The following DMXL2 variants were observed in gnomAD, a reference collection of about 807,000 sequenced individuals.
DMXL2 encodes dmX-like protein 2.
A neutral mutation model predicts 331.1 loss-of-function variants in DMXL2; 103 were observed. The ratio of observed to expected loss-of-function variants is 0.31; its 90% CI spans 0.27 to 0.37. The LOEUF is 0.37. Among genes scored for constraint, DMXL2 ranks in the 10% least tolerant of loss-of-function variants. The pLI is 1.00. For synonymous variants in DMXL2, 1,281 were observed against 1,252.1 expected, an observed-to-expected ratio of 1.02 and a Z score of -0.49; for missense variants, 3,171 against 3,642.9, an observed-to-expected ratio of 0.87 and a Z score of 3.33.
At chr15:51,582,648 T>C (rs1359490930) in intron 1 of DMXL2, among the ~76,000 whole-genome samples, 2 of 151,684 alleles carry the variant, frequency 1.3e-5, no homozygotes, top group African/African-American at 4.8e-5. Context: ...TATGATACTC[T>C]CAGAATTATT....
intron 1 of DMXL2, among the ~76,000 whole-genome samples, chr15:51,591,547 C>T (rs2052337647): frequency 6.6e-6 from 1 of 152,212 alleles, no homozygotes; most frequent in Admixed American, 6.5e-5. Context: ...CCTCTGCAGA[C>T]TTAAATGTCC....
rs8040730 is a variant in DMXL2 at position 51,448,192 on chromosome 15, T to C, written c.*792A>G. 9.2e-5 allele frequency: 14 copies of C among 152,650 alleles called. No homozygotes were observed. The highest frequency in any genetic ancestry group is 3.4e-4 in the African/African-American group (14 of 41,454). 9.5% of individuals were successfully genotyped at this position (152,650 alleles called of 1,614,324 possible). ...GCTCTATTGGTGTAGTTTCAACATA[T>C]CCTTAAATGTTTGGGTGTTTAACCT... On this transcript the variant is annotated 3_prime_UTR_variant, in exon 44 of 44. Coordinates refer to ENST00000560891, the MANE Select transcript of DMXL2 (RefSeq NM_001378457.1).
At chr15:51,550,511 C>T (rs905278891) in intron 6 of DMXL2, among the ~76,000 whole-genome samples, 3 of 152,028 alleles carry the variant, frequency 2.0e-5, no homozygotes, top group African/African-American at 7.2e-5. Flanking sequence ...GGTGAGAAGA[C>T]TTGAAATTTA....
At chr15:51,468,276 C>T (rs187864154) in intron 29 of DMXL2, among the ~76,000 whole-genome samples, 87 of 152,164 alleles carry the variant, frequency 5.7e-4, no homozygotes, top group African/African-American at 2.0e-3. Flanking sequence ...TTCTCAGTCA[C>T]GGGCAGGAAA....
In DMXL2 at chr15:51,528,971, G is replaced by T. The variant is rs192648915; in HGVS notation, c.2436+6692C>A. Among the ~76,000 whole-genome samples the T allele has an allele frequency of 3.9e-5, 6 of 151,964 alleles. No homozygotes were observed. The South Asian group carries it at 1.2e-3, about 31-fold the overall frequency. Reference sequence around the variant, plus strand: ...TAACAAGGAATTTTGGAAACTATACGAACATATGGAAATTAAACAATATGC... The same window carrying T: ...TAACAAGGAATTTTGGAAACTATACTAACATATGGAAATTAAACAATATGC... On this transcript the variant is annotated intron_variant, in intron 13 of 43. Coordinates refer to ENST00000560891, the MANE Select transcript of DMXL2 (RefSeq NM_001378457.1).
intron 22 of DMXL2, among the ~76,000 whole-genome samples, chr15:51,486,862 T>C (rs59310117): frequency 6.6e-6 from 1 of 152,304 alleles, no homozygotes; most frequent in African/African-American, 2.4e-5. Flanking sequence ...AACACTTCTC[T>C]TTGCTTGAAT....
At chr15:51,536,106 T>C in intron 12 of DMXL2, 60 bp downstream of exon 12, 1 of 1,377,788 alleles carries the variant, frequency 7.3e-7, no homozygotes, top group Non-Finnish European at 9.8e-7. Context: ...AACCATTTCG[T>C]ATATAACAAA....
intron 34 of DMXL2, chr15:51,459,025 A>G (rs2039897734): frequency 2.0e-6 from 1 of 493,938 alleles, no homozygotes; most frequent in South Asian, 2.9e-5. Context: ...TGTGATGGTA[A>G]GATACTGATT....
intron 20 of DMXL2, 70 bp from the exon 21 acceptor site, chr15:51,488,715 G>A: frequency 7.5e-7 from 1 of 1,336,494 alleles, no homozygotes; most frequent in Non-Finnish European, 1.0e-6. Context: ...CAACAATAAT[G>A]TTCCCCTGCT....
intron 1 of DMXL2, among the ~76,000 whole-genome samples, chr15:51,592,904 C>T (rs1404518736): frequency 6.6e-6 from 1 of 152,124 alleles, no homozygotes; most frequent in Non-Finnish European, 1.5e-5. Context: ...TAAAAGAGCT[C>T]CTGAAGGAAG....
rs2046954951 is a variant in DMXL2 at position 51,514,980 on chromosome 15, A to G, written c.2527-421T>C. 2.0e-5 allele frequency among the ~76,000 whole-genome samples: 3 copies of G among 152,228 alleles called. No homozygotes were observed. In the South Asian group the frequency reaches 6.2e-4, roughly 32 times the overall value. On this transcript the variant is annotated intron_variant, in intron 14 of 43. Transcript: ENST00000560891. ...ACACTAGACTACTACACAACTTGTAATTTTTTCAATTCCACTGGAGAACCA... is the reference window on the plus strand; with the variant it reads ...ACACTAGACTACTACACAACTTGTAGTTTTTTCAATTCCACTGGAGAACCA...
rs371652654 is a variant in DMXL2 at position 51,536,771 on chromosome 15, G to A, written c.1709C>T (p.Ala570Val). 33 of 1,613,774 alleles carry A rather than the reference G, an allele frequency of 2.0e-5. No homozygotes were observed. The East Asian group carries it at 3.3e-4, about 16-fold the overall frequency. The change falls in exon 12 of 44, where the codon GCG becomes GTG. Residue 570 changes from alanine to valine, a missense_variant. By Grantham distance (64) the Ala-to-Val change is moderately conservative. Coordinates refer to ENST00000560891, the MANE Select transcript of DMXL2 (RefSeq NM_001378457.1). ...CAGCGTGTGGTGAGAATCTTTTGTC[G>A]CATTTATACAGGCATACATCATGAT... is the stretch of plus-strand genomic sequence containing the variant. The part of the protein sequence containing the change: ...KNIMMYACIN[A>V]TKDSHHTLLH...
Position 51,464,739 on chromosome 15 carries a change from C to T in DMXL2, c.7744G>A (p.Val2582Met). The T allele has an allele frequency of 6.2e-7, 1 of 1,614,138 alleles. No individual in the cohort carries two copies. The highest frequency in any genetic ancestry group is 1.1e-5 in the South Asian group (1 of 91,084). ...YINTYPTDLSVGAGPAILRNK... is the reference protein window; with the variant it reads ...YINTYPTDLSMGAGPAILRNK... ...CGAAGAATAGCTGGTCCAGCTCCCA[C>T]TGAAAGGTCAGTTGGATATGTGTTG... Residue 2582 changes from valine (V) to methionine (M), a missense_variant, in exon 32 of 44, where the codon GTG (valine) becomes ATG (methionine). This residue lies in a region of DMXL2 where 766 missense variants were observed against 940.5 expected (regional missense o/e 0.81). Transcript: ENST00000560891.
In DMXL2 at chr15:51,514,569, C is replaced by T. The variant is rs1356563644; in HGVS notation, c.2527-10G>A. On this transcript the variant is annotated splice_polypyrimidine_tract_variant and intron_variant, in intron 14 of 43. Transcript: ENST00000560891. Reference sequence around the variant, plus strand: ...GTGTATTTGAGCCACACTACAAATACAAAAAAAAATGAAGAGGTTTTATCT... The same window carrying T: ...GTGTATTTGAGCCACACTACAAATATAAAAAAAAATGAAGAGGTTTTATCT... The T allele has an allele frequency of 2.0e-6, 3 of 1,474,832 alleles. No individual in the cohort carries two copies. Among genetic ancestry groups the T allele is most frequent in the Non-Finnish European group, 1.8e-6 (2 of 1,081,508 alleles). The allele number at this position is 1,474,832 out of a possible 1,614,324, so 91.4% of individuals were successfully genotyped here. A position where few individuals can be genotyped will look rare whatever the true frequency, so the allele number is the denominator to read the frequency against.
chr15:51,491,591 C>G lies in DMXL2; in HGVS notation c.4940G>C (p.Arg1647Thr), dbSNP rs531142420. 6.2e-7 allele frequency: 1 copy of G among 1,600,670 alleles called. No individual in the cohort carries two copies. Among genetic ancestry groups the G allele is most frequent in the East Asian group, 2.2e-5 (1 of 44,478 alleles). Residue 1647 changes from arginine (R) to threonine (T), a missense_variant, in exon 20 of 44, where the codon AGA (arginine) becomes ACA (threonine). Physicochemically the swap from Arg to Thr is moderately conservative, Grantham distance 71. Around this residue, in one of 7 missense-constraint regions of DMXL2, gnomAD observed 252 missense variants for 387.4 expected, o/e 0.65. Coordinates refer to ENST00000560891, the MANE Select transcript of DMXL2 (RefSeq NM_001378457.1). ...AAGAAAAGTTACCTTTTCAATGCAT[C>G]TTCGAAGCGTGTTAATGTTCCTCAC... ...WWVRNINTLR[R>T]CIEKVAKASF... is the part of the protein sequence containing the mutation.
intron 9 of DMXL2, 30 bp downstream of exon 9, chr15:51,542,303 A>C: frequency 1.3e-6 from 2 of 1,595,644 alleles, no homozygotes; most frequent in Non-Finnish European, 1.7e-6. Flanking sequence ...ACTTCAACAT[A>C]TTTATGGGAA....
intron 13 of DMXL2, among the ~76,000 whole-genome samples, chr15:51,529,034 GA>G (rs925848829): frequency 2.0e-4 from 31 of 152,102 alleles, no homozygotes; most frequent in African/African-American, 7.5e-4. Flanking sequence ...AAATTAAAAA[GA>G]AAATTGAAAA....
chr15:51,535,568 C>T, intron 13 of DMXL2, 95 bp downstream of exon 13: 1 of 1,168,602 alleles, frequency 8.6e-7, no homozygotes, highest in Non-Finnish European at 1.2e-6. Context: ...ATACTTACTC[C>T]CTAAACAGCA....
At chr15:51,527,100 A>C (rs576529678) in intron 13 of DMXL2, among the ~76,000 whole-genome samples, 1 of 152,256 alleles carries the variant, frequency 6.6e-6, no homozygotes, top group African/African-American at 2.4e-5. Context: ...TTAATAATCA[A>C]ACTCCCAAAA....
Sources: allele counts gnomAD v4.1 joint callset (sites outside exome capture counted in the v4.1 genomes callset), GRCh38; gene constraint gnomAD v4.1.1; regional missense constraint gnomAD v4.1.1; transcripts MANE v1.5; gene names NCBI Gene and HGNC (gene_info 2026-07-23, HGNC 2026-07-21).